Variants in SLC34A1 observed in about 807,000 individuals in gnomAD.
SLC34A1 encodes the protein sodium-dependent phosphate transport protein 2A.
A neutral mutation model predicts 51.4 loss-of-function variants in SLC34A1; 57 were observed. That is an observed-to-expected ratio of 1.11 (90% CI 0.90 to 1.38). SLC34A1 has a LOEUF of 1.38. Ranked by LOEUF, SLC34A1 falls within the 40% of genes most tolerant of loss-of-function variation. The pLI is 0.00. For missense variants in SLC34A1, 796 were observed against 835.6 expected (o/e 0.95, Z 0.58); for synonymous variants, 368 against 358.0 (o/e 1.03, Z -0.32).
At chr5:177,397,195 T>C (rs747450675) in intron 12 of SLC34A1, 121 bp downstream of exon 12, 44 of 1,330,954 alleles carry the variant, frequency 3.3e-5, no homozygotes, top group Admixed American at 6.2e-5. Flanking sequence ...CCACCTAATA[T>C]GCTCAATGAA....
chr5:177,397,761 C>T (rs760974966), intron 12 of SLC34A1, 22 bp from the exon 13 acceptor site: 62 of 1,604,198 alleles, frequency 3.9e-5, no homozygotes, highest in Non-Finnish European at 8.5e-7. Context: ...CCATCTCAGC[C>T]CCTCTGCCTC....
chr5:177,392,744 C>T (rs1005083016), intron 8 of SLC34A1, among the ~76,000 whole-genome samples: 4 of 152,196 alleles, frequency 2.6e-5, no homozygotes, highest in Non-Finnish European at 1.5e-5. Flanking sequence ...CTGCTCCAAC[C>T]TCCTGAGTAG....
Position 177,398,056 on chromosome 5 carries a change from C to A in SLC34A1, c.1690C>A (p.Arg564=). 2 of 1,613,968 alleles carry A rather than the reference C, an allele frequency of 1.2e-6. No individual in the cohort carries two copies. The highest frequency in any genetic ancestry group is 1.7e-6 in the Non-Finnish European group (2 of 1,179,880). Residue 564 remains arginine (R), a synonymous_variant, in exon 13 of 13, where the codon CGG becomes AGG. Transcript: ENST00000324417. The surrounding 1 kb of genome is among the most constrained non-coding windows in gnomAD (Gnocchi z 4.7). ...GGTGCTCATCAATGTCCTGCAGAGT[C>A]GGAGTCCCGGGCACCTGCCCAAGTG... The part of the protein sequence containing the change: ...FVVLINVLQS[R]SPGHLPKWLQ...
Position 177,398,317 on chromosome 5 carries a change from G to C in SLC34A1, c.*31G>C. 6.3e-7 allele frequency: 1 copy of C among 1,598,774 alleles called. No homozygotes were observed. The highest frequency in any genetic ancestry group is 8.5e-7 in the Non-Finnish European group (1 of 1,179,844). On this transcript the variant is annotated 3_prime_UTR_variant, in exon 13 of 13. Coordinates refer to ENST00000324417, the MANE Select transcript of SLC34A1 (RefSeq NM_003052.5). The surrounding 1 kb of genome is among the most constrained non-coding windows in gnomAD (Gnocchi z 4.7). ...GGGCCCAGACTACAGCCTGGAATGG[G>C]GAAGGCCTGGGGTGGAAAGGCAGGG...
intron 8 of SLC34A1, among the ~76,000 whole-genome samples, chr5:177,390,792 T>G (rs958840536): frequency 6.6e-6 from 1 of 152,106 alleles, no homozygotes; most frequent in African/African-American, 2.4e-5. Flanking sequence ...GACAGTCTCC[T>G]GTGAGCTTAA....
At chr5:177,384,911 C>T (rs895910106) in intron 1 of SLC34A1, among the ~76,000 whole-genome samples, 10 of 151,084 alleles carry the variant, frequency 6.6e-5, no homozygotes, top group African/African-American at 2.4e-4. Flanking sequence ...TTGAATTCAA[C>T]TCTTCACACC....
chr5:177,389,461 T>C (rs1420819043), intron 8 of SLC34A1, among the ~76,000 whole-genome samples: 1 of 152,052 alleles, frequency 6.6e-6, no homozygotes. Flanking sequence ...CTCCTTTGCA[T>C]CTGAAGTTGC....
At chr5:177,395,088 C>T (rs1196997342) in intron 10 of SLC34A1, among the ~76,000 whole-genome samples, 2 of 152,062 alleles carry the variant, frequency 1.3e-5, no homozygotes, top group East Asian at 3.8e-4. Context: ...GGGAGAATCG[C>T]TTGAGCCTAG....
Position 177,386,146 on chromosome 5 carries a change from G to A in SLC34A1, c.259+10G>A. 6.2e-7 allele frequency: 1 copy of A among 1,613,810 alleles called. No homozygotes were observed. Among genetic ancestry groups the A allele is most frequent in the Non-Finnish European group, 8.5e-7 (1 of 1,179,870 alleles). ...GAGGAGCAGAAGCCAGGTGGGCCTG[G>A]GCTGGGGGTGGCAGAGGCGGCAGCA... On this transcript the variant is annotated intron_variant, in intron 3 of 12. Coordinates refer to ENST00000324417, the MANE Select transcript of SLC34A1 (RefSeq NM_003052.5). This position sits in a 1 kb window ranked among gnomAD's most constrained non-coding sequence, Gnocchi z 4.8.
In SLC34A1 at chr5:177,385,851, G is replaced by T. The variant is rs1364012682; in HGVS notation, c.109+1G>T. The T allele has an allele frequency of 1.9e-6, 3 of 1,613,306 alleles. No homozygotes were observed. Among genetic ancestry groups the T allele is most frequent in the Non-Finnish European group, 2.5e-6 (3 of 1,179,762 alleles). ...TTTGCCTACGTGCCCAGCCCTCAGG[G>T]TAAGTGCTGCTCCCACACCCTGGAC... On this transcript the variant is annotated splice_donor_variant, in intron 2 of 12. Transcript: ENST00000324417. LOFTEE classifies it high-confidence loss of function.
In SLC34A1 at chr5:177,398,264, A is replaced by G; in HGVS notation, c.1898A>G (p.His633Arg). The G allele has an allele frequency of 6.3e-7, 1 of 1,598,688 alleles. No individual in the cohort carries two copies. The highest frequency in any genetic ancestry group is 8.5e-7 in the Non-Finnish European group (1 of 1,179,844). ...TPSPRLALPAHHNATRL is the reference protein window; with the variant it reads ...TPSPRLALPARHNATRL ...TCCCCCCGTCTTGCACTGCCTGCTCACCACAATGCCACCCGCCTCTAGGCT... is the reference window on the plus strand; with the variant it reads ...TCCCCCCGTCTTGCACTGCCTGCTCGCCACAATGCCACCCGCCTCTAGGCT... Residue 633 changes from histidine (H) to arginine (R), a missense_variant, in exon 13 of 13, where the codon CAC becomes CGC. Physicochemically the swap from His to Arg is conservative, Grantham distance 29 (BLOSUM62 0). Coordinates refer to ENST00000324417, the MANE Select transcript of SLC34A1 (RefSeq NM_003052.5). This position sits in a 1 kb window ranked among gnomAD's most constrained non-coding sequence, Gnocchi z 4.7.
chr5:177,398,367 G>C lies in SLC34A1; in HGVS notation c.*81G>C. The C allele has an allele frequency of 6.5e-7, 1 of 1,527,810 alleles. No individual in the cohort carries two copies. Among genetic ancestry groups the C allele is most frequent in the Admixed American group, 1.7e-5 (1 of 59,930 alleles). 94.6% of individuals were successfully genotyped at this position (1,527,810 alleles called of 1,614,324 possible). A position where few individuals can be genotyped will look rare whatever the true frequency, so the allele number is the denominator to read the frequency against. ...GGAGGGAGGGTGTGTGTAGGTATGT[G>C]CATGTGCCTGTGCCACCCTGGGTGC... On this transcript the variant is annotated 3_prime_UTR_variant, in exon 13 of 13. Coordinates refer to ENST00000324417, the MANE Select transcript of SLC34A1 (RefSeq NM_003052.5). The surrounding 1 kb of genome is among the most constrained non-coding windows in gnomAD (Gnocchi z 4.7).
intron 9 of SLC34A1, 80 bp downstream of exon 9, chr5:177,393,843 T>A: frequency 6.6e-7 from 1 of 1,523,202 alleles, no homozygotes; most frequent in South Asian, 1.1e-5. Flanking sequence ...ACACAGCCAC[T>A]ATTGTGTCCA....
Position 177,385,636 on chromosome 5 carries a change from G to T in SLC34A1, c.-47-59G>T, listed in dbSNP as rs1762534203. 4 of 798,216 alleles carry T rather than the reference G, an allele frequency of 5.0e-6. No homozygotes were observed. The South Asian group carries it at 5.8e-5, about 12-fold the overall frequency. 49.4% of individuals were successfully genotyped at this position (798,216 alleles called of 1,614,324 possible). ...GTATTTGGAATCATGCGCCATGGGG[G>T]TTTGTGCAGGTGAGGGTGTGTGGGC... On this transcript the variant is annotated intron_variant, in intron 1 of 12. Transcript: ENST00000324417.
Position 177,385,775 on chromosome 5 carries a change from GC to G in SLC34A1, c.35del (p.Ala12ValfsTer12). 1 of 1,613,056 alleles carries G rather than the reference GC, an allele frequency of 6.2e-7. No homozygotes were observed. Among genetic ancestry groups the G allele is most frequent in the Middle Eastern group, 1.6e-4 (1 of 6,062 alleles). On this transcript the variant is annotated frameshift_variant, in exon 2 of 13. Coordinates refer to ENST00000324417, the MANE Select transcript of SLC34A1 (RefSeq NM_003052.5). LOFTEE classifies it high-confidence loss of function. ...LSYGERLGSP[A>X]VSPLPVRGGH... ...CTACGGAGAGAGGCTGGGGTCCCCT[GC>G]TGTCTCCCCACTCCCAGTCCGTGGG...
intron 8 of SLC34A1, chr5:177,390,514 C>T: frequency 3.0e-6 from 1 of 336,248 alleles, no homozygotes; most frequent in Non-Finnish European, 4.2e-6. Flanking sequence ...AGAATCCTGA[C>T]TATCTCGTTG....
At chr5:177,395,231 G>C (rs1581646965) in intron 10 of SLC34A1, among the ~76,000 whole-genome samples, 1 of 152,242 alleles carries the variant, frequency 6.6e-6, no homozygotes, top group South Asian at 2.1e-4. Context: ...GAATTAGGGG[G>C]ATAAATTCAG....
chr5:177,389,788 A>G (rs1762738174), intron 8 of SLC34A1: 1 of 1,534,000 alleles, frequency 6.5e-7, no homozygotes, highest in Non-Finnish European at 8.7e-7. Context: ...CCACGTCCTC[A>G]CTTGAAGTCA....
At chr5:177,397,332 A>C in intron 12 of SLC34A1, 1 of 537,418 alleles carries the variant, frequency 1.9e-6, no homozygotes, top group Non-Finnish European at 3.3e-6. Context: ...GAGGAAGAGG[A>C]AGAGGCACTA....
Sources: gnomAD v4.1 joint callset for allele counts (sites outside exome capture counted in the v4.1 genomes callset) on GRCh38, gnomAD v4.1.1 for gene constraint, Gnocchi (gnomAD v3.1) non-coding constraint, MANE v1.5 for transcripts, NCBI Gene and HGNC (gene_info 2026-07-23, HGNC 2026-07-21) for gene names.